Variants in TANK observed in about 807,000 individuals in gnomAD.
TANK encodes the protein TRAF family member-associated NF-kappa-B activator.
TANK carries 15 observed loss-of-function variants against 43.6 expected under a neutral mutation model. The observed-to-expected ratio is 0.34, with a 90% CI of 0.23 to 0.53. The LOEUF (loss-of-function observed/expected upper bound fraction) is 0.53, where lower values mean the gene tolerates loss of function less well. TANK is among the 20% of genes least tolerant of loss of function. TANK has a pLI of 0.94. For missense variants in TANK, 417 were observed against 498.6 expected, an observed-to-expected ratio of 0.84 and a Z score of 1.56; for synonymous variants, 162 against 178.2, an observed-to-expected ratio of 0.91 and a Z score of 0.73.
At chr2:161,191,578 G>A (rs540453776) in intron 2 of TANK, among the ~76,000 whole-genome samples, 1 of 152,294 alleles carries the variant, frequency 6.6e-6, no homozygotes, top group South Asian at 2.1e-4. Context: ...TGAGGAAAAT[G>A]AAGTGAGAGA....
chr2:161,144,868 C>T (rs1233104985), intron 1 of TANK, among the ~76,000 whole-genome samples: 2 of 152,152 alleles, frequency 1.3e-5, no homozygotes, highest in South Asian at 2.1e-4. Flanking sequence ...TTTTCTATCT[C>T]GTTGATCTGT....
intron 1 of TANK, among the ~76,000 whole-genome samples, chr2:161,174,130 A>G (rs1685075609): frequency 1.3e-5 from 2 of 152,134 alleles, no homozygotes; most frequent in Non-Finnish European, 2.9e-5. Flanking sequence ...TACTGTATAT[A>G]TGGTCTCAAT....
At chr2:161,140,262 T>A (rs1430758564) in intron 1 of TANK, among the ~76,000 whole-genome samples, 1 of 152,174 alleles carries the variant, frequency 6.6e-6, no homozygotes. Flanking sequence ...AAATAATTCT[T>A]TAAATGCTTA....
intron 1 of TANK, among the ~76,000 whole-genome samples, chr2:161,179,304 TA>T (rs1229315528): frequency 2.0e-5 from 3 of 152,172 alleles, no homozygotes; most frequent in Non-Finnish European, 4.4e-5. Context: ...ATTTCCATAA[TA>T]AAGAATTTAA....
chr2:161,211,927 T>G, intron 4 of TANK: 11 of 981,052 alleles, frequency 1.1e-5, no homozygotes, highest in Non-Finnish European at 1.2e-5. Flanking sequence ...TATATAATGC[T>G]TCTGTATTAC....
intron 1 of TANK, 192 bp downstream of exon 1, chr2:161,160,678 C>A (rs1684378769): frequency 2.2e-6 from 1 of 453,620 alleles, no homozygotes; most frequent in Non-Finnish European, 4.0e-6. Flanking sequence ...GAGTCCTTCC[C>A]CCGGAGCGGA....
chr2:161,188,455 A>G (rs931360670), intron 2 of TANK, among the ~76,000 whole-genome samples: 5 of 152,284 alleles, frequency 3.3e-5, no homozygotes, highest in South Asian at 2.1e-4. Context: ...GAAACACACT[A>G]ACTACTAAGA....
upstream of TANK, among the ~76,000 whole-genome samples, chr2:161,157,748 A>T (rs1684263733): frequency 6.6e-6 from 1 of 151,922 alleles, no homozygotes; most frequent in Admixed American, 6.5e-5. Context: ...CAGTGGCGTG[A>T]TCTTGGCTCA....
At chr2:161,162,847 C>G (rs1684506559) in intron 1 of TANK, 1 of 152,002 alleles carries the variant, frequency 6.6e-6, no homozygotes, top group South Asian at 2.1e-4. Context: ...TGTGTATATT[C>G]ATTACTTCTT....
intron 4 of TANK, among the ~76,000 whole-genome samples, chr2:161,210,846 CAA>C (rs1390063363): frequency 6.6e-6 from 1 of 151,988 alleles, no homozygotes; most frequent in Non-Finnish European, 1.5e-5. Context: ...GAAAAGAAGA[CAA>C]GTTCTTACTT....
intron 2 of TANK, among the ~76,000 whole-genome samples, chr2:161,185,138 A>G (rs751866298): frequency 4.6e-5 from 7 of 152,182 alleles, no homozygotes; most frequent in Admixed American, 2.0e-4. Flanking sequence ...GGGAAAAATC[A>G]TTAAGGAAAC....
chr2:161,188,567 T>C (rs1346834254), intron 2 of TANK, among the ~76,000 whole-genome samples: 2 of 152,170 alleles, frequency 1.3e-5, no homozygotes, highest in Non-Finnish European at 2.9e-5. Context: ...TAGGATGAGA[T>C]AGCTTCACCA....
chr2:161,204,529 G>C, intron 3 of TANK, 146 bp from the exon 4 acceptor site: 1 of 672,280 alleles, frequency 1.5e-6, no homozygotes, highest in Non-Finnish European at 2.4e-6. Flanking sequence ...ACTTGTCAAA[G>C]TAACTATTAC....
At chr2:161,146,620 A>G (rs1420970083) in intron 1 of TANK, among the ~76,000 whole-genome samples, 9 of 152,142 alleles carry the variant, frequency 5.9e-5, no homozygotes, top group Non-Finnish European at 1.0e-4. Context: ...TACAGGCCTT[A>G]TTCATCTGGT....
chr2:161,216,064 C>T (rs113620084), intron 4 of TANK, among the ~76,000 whole-genome samples: 31 of 152,174 alleles, frequency 2.0e-4, no homozygotes, highest in African/African-American at 7.2e-4. Flanking sequence ...TTGTCTCTTT[C>T]CTGTTATGTT....
At chr2:161,150,042 CA>C (rs1047208477) in intron 1 of TANK, among the ~76,000 whole-genome samples, 1 of 151,936 alleles carries the variant, frequency 6.6e-6, no homozygotes, top group Non-Finnish European at 1.5e-5. Flanking sequence ...TTTTTTCTAG[CA>C]GTTTGAAAAT....
Position 161,231,204 on chromosome 2 carries a change from A to G in TANK, c.754A>G (p.Arg252Gly). 1.2e-6 allele frequency: 2 copies of G among 1,613,972 alleles called. No individual in the cohort carries two copies. The highest frequency in any genetic ancestry group is 1.7e-6 in the Non-Finnish European group (2 of 1,180,006). The change falls in exon 7 of 8, where the codon AGA (arginine) becomes GGA (glycine). Residue 252 changes from arginine to glycine, a missense_variant. By Grantham distance (125) the Arg-to-Gly change is moderately radical. Coordinates refer to ENST00000392749, the MANE Select transcript of TANK (RefSeq NM_001199135.3). Reference sequence around the variant, plus strand: ...AACTTTCTTACATAGCACTCCAGAGAGACCCGGCATCCTTAGTCCTGCCAC... The same window carrying G: ...AACTTTCTTACATAGCACTCCAGAGGGACCCGGCATCCTTAGTCCTGCCAC... ...DSTFLHSTPE[R>G]PGILSPATSE... is the part of the protein sequence containing the mutation.
chr2:161,164,053 G>A (rs1002256548), intron 1 of TANK, among the ~76,000 whole-genome samples: 5 of 152,174 alleles, frequency 3.3e-5, no homozygotes, highest in Non-Finnish European at 5.9e-5. Flanking sequence ...TAGGATGCAG[G>A]CATTATGTGA....
chr2:161,233,200 A>G (rs1356512994), intron 7 of TANK, among the ~76,000 whole-genome samples: 1 of 152,174 alleles, frequency 6.6e-6, no homozygotes, highest in East Asian at 1.9e-4. Context: ...CCTGGGCAAC[A>G]TAGTAAGACC....
Sources: gnomAD v4.1 joint callset for allele counts (sites outside exome capture counted in the v4.1 genomes callset) on GRCh38, gnomAD v4.1.1 for gene constraint, MANE v1.5 for transcripts, NCBI Gene and HGNC (gene_info 2026-07-23, HGNC 2026-07-21) for gene names.